Variants in HS6ST2 observed in about 807,000 individuals in gnomAD.
HS6ST2 encodes heparan-sulfate 6-O-sulfotransferase 2.
HS6ST2 carries 17 observed loss-of-function variants against 33.0 expected under a neutral mutation model. That is an observed-to-expected ratio of 0.52 (90% CI 0.35 to 0.77). The LOEUF (loss-of-function observed/expected upper bound fraction) is 0.77, where lower values mean the gene tolerates loss of function less well. Ranked by LOEUF, HS6ST2 falls within the 30% of genes least tolerant of loss-of-function variation. The pLI is 0.01. For missense variants in HS6ST2, 519 were observed against 551.7 expected, an observed-to-expected ratio of 0.94 and a Z score of 0.59; for synonymous variants, 248 against 237.1, an observed-to-expected ratio of 1.05 and a Z score of -0.42.
At chrX:132,741,530 C>T (rs1161246137) in intron 2 of HS6ST2, among the ~76,000 whole-genome samples, 1 of 110,849 alleles carries the variant, frequency 9.0e-6, no homozygotes, top group Non-Finnish European at 1.9e-5. Flanking sequence ...GATCCGCCCA[C>T]CTCAGTATCC....
chrX:132,788,303 A>G (rs1235530419), intron 2 of HS6ST2, among the ~76,000 whole-genome samples: 1 of 111,655 alleles, frequency 9.0e-6, no homozygotes, highest in Non-Finnish European at 1.9e-5. Flanking sequence ...TATATCTGTT[A>G]TGGTCATCTG....
In HS6ST2 at chrX:132,722,429, T is replaced by A. The variant is rs371476365; in HGVS notation, c.948-13935A>T. On this transcript the variant is annotated intron_variant, in intron 2 of 4. Transcript: ENST00000370833. Reference sequence around the variant, plus strand: ...TTAAAAGCTTTCAGGTATGCCAAAATAATGTTGAAAACTTTTCATGATTAA... The same window carrying A: ...TTAAAAGCTTTCAGGTATGCCAAAAAAATGTTGAAAACTTTTCATGATTAA... Among the ~76,000 whole-genome samples the A allele has an allele frequency of 1.5e-4, 17 of 111,265 alleles. No homozygotes were observed. The East Asian group carries it at 4.2e-3, about 28-fold the overall frequency.
chrX:132,916,099 A>T (rs2066586838), intron 2 of HS6ST2, among the ~76,000 whole-genome samples: 1 of 111,679 alleles, frequency 9.0e-6, no homozygotes, highest in Admixed American at 9.5e-5. Flanking sequence ...ATGGCAAAGG[A>T]AAGCTGGGCT....
chrX:132,688,524 C>A (rs2064036980), intron 3 of HS6ST2, among the ~76,000 whole-genome samples: 1 of 111,128 alleles, frequency 9.0e-6, no homozygotes, highest in South Asian at 3.9e-4. Flanking sequence ...GCAAACACAT[C>A]CTTCTTTGCA....
intron 2 of HS6ST2, among the ~76,000 whole-genome samples, chrX:132,765,453 T>C (rs1332084941): frequency 8.9e-6 from 1 of 112,181 alleles, no homozygotes; most frequent in Non-Finnish European, 1.9e-5. Flanking sequence ...GATTTATTTC[T>C]ATTTTTTATT....
At chrX:132,820,043 C>A (rs2065435960) in intron 2 of HS6ST2, among the ~76,000 whole-genome samples, 3 of 112,069 alleles carry the variant, frequency 2.7e-5, no homozygotes, top group African/African-American at 9.7e-5. Context: ...AGCTCTGAAG[C>A]GTTTCATTCT....
intron 2 of HS6ST2, among the ~76,000 whole-genome samples, chrX:132,787,581 C>A (rs1602676055): frequency 9.7e-6 from 1 of 102,782 alleles, no homozygotes. Context: ...CGTGAGCCAC[C>A]GTGCCTGGCC....
intron 1 of HS6ST2, among the ~76,000 whole-genome samples, chrX:132,957,533 G>C (rs1421694975): frequency 3.7e-5 from 4 of 109,305 alleles, no homozygotes; most frequent in Admixed American, 9.6e-5. Context: ...TGGCTTCTGC[G>C]GCACACACAC....
At chrX:132,727,038 G>A (rs2064399017) in intron 2 of HS6ST2, among the ~76,000 whole-genome samples, 1 of 110,672 alleles carries the variant, frequency 9.0e-6, no homozygotes, top group Non-Finnish European at 1.9e-5. Flanking sequence ...TGAAAAAAGT[G>A]TTTTTAGTGA....
At position 132,915,014 on chromosome X, in the gene HS6ST2, G is replaced by T. The variant is rs985827392; in HGVS notation, c.947+41794C>A. On this transcript the variant is annotated intron_variant, in intron 2 of 4. Transcript: ENST00000370833. Reference sequence around the variant, plus strand: ...ATGCAAAATTGCAGGTCAAGAAGCAGCCAAGTGAAATGAGTCCTTGAGGCT... The same window carrying T: ...ATGCAAAATTGCAGGTCAAGAAGCATCCAAGTGAAATGAGTCCTTGAGGCT... Among the ~76,000 whole-genome samples, 3 of 112,476 alleles carry T rather than the reference G, an allele frequency of 2.7e-5. No homozygotes were observed. In the South Asian group the frequency reaches 1.1e-3, roughly 41 times the overall value.
intron 2 of HS6ST2, among the ~76,000 whole-genome samples, chrX:132,716,272 G>A (rs776543607): frequency 6.2e-5 from 7 of 112,091 alleles, no homozygotes; most frequent in Non-Finnish European, 1.3e-4. Context: ...TGGAAAACGG[G>A]TTTGTCTATA....
At chrX:132,804,602 C>T (rs2065263583) in intron 2 of HS6ST2, among the ~76,000 whole-genome samples, 1 of 111,630 alleles carries the variant, frequency 9.0e-6, no homozygotes, top group South Asian at 3.8e-4. Context: ...AAGTTTGAGA[C>T]CAGCCTGGGC....
At chrX:132,822,676 T>C (rs909324756) in intron 2 of HS6ST2, among the ~76,000 whole-genome samples, 1 of 112,400 alleles carries the variant, frequency 8.9e-6, no homozygotes, top group Non-Finnish European at 1.9e-5. Flanking sequence ...GTTGGGTTAA[T>C]TCATTATTTA....
At chrX:132,844,942 CACTGGAA>C (rs1266474236) in intron 2 of HS6ST2, among the ~76,000 whole-genome samples, 18 of 109,177 alleles carry the variant, frequency 1.6e-4, no homozygotes, top group African/African-American at 6.0e-4. Flanking sequence ...CTTTATTCAT[CACTGGAA>C]AACTGGAGTT....
chrX:132,876,367 GA>G (rs1411657954), intron 2 of HS6ST2, among the ~76,000 whole-genome samples: 15 of 112,124 alleles, frequency 1.3e-4, no homozygotes, highest in African/African-American at 3.9e-4. Flanking sequence ...TGACCTTCCT[GA>G]ATCTTTCAGT....
chrX:132,676,248 A>T (rs1354518892), intron 3 of HS6ST2, among the ~76,000 whole-genome samples: 2 of 112,240 alleles, frequency 1.8e-5, no homozygotes, highest in Non-Finnish European at 3.8e-5. Flanking sequence ...GTGCCCTTTA[A>T]TGTGTGTTTA....
chrX:132,711,974 C>T (rs1000892983), intron 2 of HS6ST2, among the ~76,000 whole-genome samples: 2 of 111,950 alleles, frequency 1.8e-5, no homozygotes, highest in African/African-American at 3.3e-5. Flanking sequence ...GAGACCTCCA[C>T]AGCCACACAC....
chrX:132,953,314 A>T, intron 2 of HS6ST2, among the ~76,000 whole-genome samples: 1 of 112,086 alleles, frequency 8.9e-6, no homozygotes, highest in Admixed American at 9.4e-5. Context: ...GATTTTTTTT[A>T]AAGAAATATT....
chrX:132,689,205 C>T (rs2064042252), intron 3 of HS6ST2, among the ~76,000 whole-genome samples: 1 of 111,893 alleles, frequency 8.9e-6, no homozygotes, highest in African/African-American at 3.3e-5. Context: ...TTCAAAAATG[C>T]CCTTGGAAAG....
Sources: gnomAD v4.1 joint callset for allele counts (sites outside exome capture counted in the v4.1 genomes callset) on GRCh38, gnomAD v4.1.1 for gene constraint, MANE v1.5 for transcripts, NCBI Gene and HGNC (gene_info 2026-07-23, HGNC 2026-07-21) for gene names.